RABL3: variants seen among roughly 807,000 people sequenced by gnomAD.
RABL3 encodes RAB, member of RAS oncogene family like 3, also known as rab-like protein 3.
In RABL3, 31 loss-of-function variants were observed where a neutral mutation model predicts 31.8. The observed-to-expected ratio is 0.97, with a 90% CI of 0.73 to 1.31. The LOEUF (loss-of-function observed/expected upper bound fraction) is 1.31. Among genes scored for constraint, RABL3 ranks in the 40% most tolerant of loss-of-function variants. The pLI is 0.00. For synonymous variants in RABL3, 97 were observed against 99.9 expected (o/e 0.97, Z 0.18); for missense variants, 263 against 279.6 (o/e 0.94, Z 0.42).
At chr3:120,717,466 T>TTTTTG (rs1219531989) in intron 2 of RABL3, among the ~76,000 whole-genome samples, 1 of 152,198 alleles carries the variant, frequency 6.6e-6, no homozygotes, top group African/African-American at 2.4e-5. Context: ...GACATTTGTC[T>TTTTTG]TTTTGTTTTG....
intron 6 of RABL3, among the ~76,000 whole-genome samples, chr3:120,693,396 G>T (rs1477154102): frequency 6.6e-6 from 1 of 152,230 alleles, no homozygotes; most frequent in East Asian, 1.9e-4. Context: ...AGAGCTATGG[G>T]GAAGATGATT....
At chr3:120,731,073 C>G (rs1341154987) in intron 1 of RABL3, among the ~76,000 whole-genome samples, 1 of 152,054 alleles carries the variant, frequency 6.6e-6, no homozygotes, top group Non-Finnish European at 1.5e-5. Context: ...AGATTTCTAA[C>G]AAGTTCCCAA....
At chr3:120,718,188 A>C (rs1708692618) in intron 2 of RABL3, among the ~76,000 whole-genome samples, 1 of 152,126 alleles carries the variant, frequency 6.6e-6, no homozygotes, top group Non-Finnish European at 1.5e-5. Context: ...CATTCTATTA[A>C]CAAATCTCCG....
At chr3:120,742,628 G>T (rs1395047711), upstream of RABL3, 35 of 983,394 alleles carry the variant, frequency 3.6e-5, no homozygotes, top group Non-Finnish European at 5.4e-5. Context: ...CTTGATCGAA[G>T]GTTTCACTGA....
chr3:120,706,197 G>A (rs1708546862), intron 3 of RABL3, 83 bp from the exon 4 acceptor site: 1 of 830,386 alleles, frequency 1.2e-6, no homozygotes, highest in Non-Finnish European at 2.0e-6. Flanking sequence ...TTAGTAAACA[G>A]AAGCATTAGG....
rs1040088758 is a variant in RABL3, at chr3:120,686,671, G to A, written c.*3152C>T. ...GGTTCACAAATGAGGCACCTATAAC[G>A]AAAGACAGATTATTGAGAAAAGCAC... On this transcript the variant is annotated 3_prime_UTR_variant, in exon 8 of 8. Coordinates refer to ENST00000273375, the MANE Select transcript of RABL3 (RefSeq NM_173825.5). The A allele has an allele frequency of 2.0e-5, 3 of 152,150 alleles. No homozygotes were observed. The highest frequency in any genetic ancestry group is 2.9e-5 in the Non-Finnish European group (2 of 68,028). The allele number at this position is 152,150 out of a possible 1,614,324, so 9.4% of individuals were successfully genotyped here. A position where few individuals can be genotyped will look rare whatever the true frequency, so the allele number is the denominator to read the frequency against.
chr3:120,687,989 G>T lies in RABL3; in HGVS notation c.*1834C>A, dbSNP rs1288205497. 1.3e-5 allele frequency: 2 copies of T among 151,962 alleles called. No homozygotes were observed. The highest frequency in any genetic ancestry group is 2.9e-5 in the Non-Finnish European group (2 of 68,010). The allele number at this position is 151,962 out of a possible 1,614,324, so 9.4% of individuals were successfully genotyped here. On this transcript the variant is annotated 3_prime_UTR_variant, in exon 8 of 8. Transcript: ENST00000273375. ...TTTTTGTATTTTTAGTAGAGACAGGGTTTCCCTATGTTGGCCAGGCTGGTC... is the reference window on the plus strand; with the variant it reads ...TTTTTGTATTTTTAGTAGAGACAGGTTTTCCCTATGTTGGCCAGGCTGGTC...
intron 1 of RABL3, among the ~76,000 whole-genome samples, chr3:120,733,864 G>C (rs1259198099): frequency 6.6e-6 from 1 of 152,100 alleles, no homozygotes; most frequent in African/African-American, 2.4e-5. Context: ...TTAGATGGTT[G>C]TAGATGTGTA....
chr3:120,728,374 A>G (rs1006655253), intron 2 of RABL3, among the ~76,000 whole-genome samples: 1 of 152,080 alleles, frequency 6.6e-6, no homozygotes, highest in African/African-American at 2.4e-5. Flanking sequence ...GTCTAAGGTC[A>G]CTCTTTCAGA....
chr3:120,738,071 G>A (rs1188290178), intron 1 of RABL3, among the ~76,000 whole-genome samples: 2 of 152,228 alleles, frequency 1.3e-5, no homozygotes, highest in African/African-American at 2.4e-5. Flanking sequence ...ATTTAAGTCT[G>A]CAGAGGTTTC....
At position 120,721,252 on chromosome 3, in the gene RABL3, C is replaced by T. The variant is rs536506625; in HGVS notation, c.138+9444G>A. 3.1e-3 allele frequency among the ~76,000 whole-genome samples: 469 copies of T among 152,276 alleles called. 2 individuals carry two copies. The highest frequency in any genetic ancestry group is 5.8e-3 in the Admixed American group (88 of 15,298). On this transcript the variant is annotated intron_variant, in intron 2 of 7. Transcript: ENST00000273375. ...AAACATGCCAAAGCGTAAAGACCAT[C>T]GAGGCTAGGAAGAAACTGCATCAAC...
intron 1 of RABL3, among the ~76,000 whole-genome samples, chr3:120,733,364 T>C (rs1334447199): frequency 6.6e-6 from 1 of 152,130 alleles, no homozygotes; most frequent in East Asian, 1.9e-4. Flanking sequence ...ATGTCTTCTT[T>C]TGAGAAGTGT....
At chr3:120,698,178 A>G (rs1206267886) in intron 5 of RABL3, among the ~76,000 whole-genome samples, 3 of 152,132 alleles carry the variant, frequency 2.0e-5, no homozygotes, top group Middle Eastern at 3.2e-3. Flanking sequence ...AAAGAAGCCT[A>G]TGATTTAAAT....
At chr3:120,692,432 T>C (rs1708391475) in intron 6 of RABL3, among the ~76,000 whole-genome samples, 1 of 152,190 alleles carries the variant, frequency 6.6e-6, no homozygotes, top group Non-Finnish European at 1.5e-5. Flanking sequence ...TCTCCTGACC[T>C]CGTCATCTGC....
chr3:120,705,932 G>A (rs1469861598), intron 4 of RABL3, 68 bp downstream of exon 4: 20 of 915,982 alleles, frequency 2.2e-5, no homozygotes, highest in Non-Finnish European at 3.5e-5. Flanking sequence ...ATTTTACAAA[G>A]TGTTATTCAG....
At chr3:120,724,481 C>T (rs952769303) in intron 2 of RABL3, among the ~76,000 whole-genome samples, 2 of 152,130 alleles carry the variant, frequency 1.3e-5, no homozygotes, top group South Asian at 2.1e-4. Flanking sequence ...AAAAAAGAGC[C>T]CACATTGCCA....
At chr3:120,732,021 T>G (rs1708889553) in intron 1 of RABL3, among the ~76,000 whole-genome samples, 3 of 152,310 alleles carry the variant, frequency 2.0e-5, no homozygotes, top group Admixed American at 6.5e-5. Context: ...ATCACACTGC[T>G]GTACTCTAGC....
intron 1 of RABL3, among the ~76,000 whole-genome samples, chr3:120,742,236 G>A (rs1476508887): frequency 6.6e-6 from 1 of 150,740 alleles, no homozygotes; most frequent in African/African-American, 2.4e-5. Context: ...GCGGAAAGCC[G>A]CGAAGGCAAA....
intron 4 of RABL3, 114 bp downstream of exon 4, chr3:120,705,886 T>C (rs929156589): frequency 5.6e-6 from 4 of 713,758 alleles, no homozygotes; most frequent in Admixed American, 4.6e-5. Flanking sequence ...GAAAAGATAA[T>C]CTATACACTG....
Sources: allele counts gnomAD v4.1 joint callset (sites outside exome capture counted in the v4.1 genomes callset), GRCh38; gene constraint gnomAD v4.1.1; transcripts MANE v1.5; gene names NCBI Gene and HGNC (gene_info 2026-07-23, HGNC 2026-07-21).